Variants in MDFIC2 observed in about 807,000 individuals in gnomAD.
The protein encoded by MDFIC2 is MyoD family inhibitor domain containing 2, also known as myoD family inhibitor domain-containing protein 2.
chr3:70,311,422 G>A (rs757092992), intron 2 of MDFIC2, among the ~76,000 whole-genome samples: 4 of 152,162 alleles, frequency 2.6e-5, no homozygotes, highest in South Asian at 2.1e-4. Context: ...GCCCATGGCC[G>A]ACAGCATTCT....
intron 2 of MDFIC2, among the ~76,000 whole-genome samples, chr3:70,245,640 G>A (rs1268446115): frequency 1.7e-5 from 2 of 118,742 alleles, no homozygotes; most frequent in Non-Finnish European, 3.4e-5. Context: ...ATCAGAATAT[G>A]GATTCTTGCA....
Position 70,287,644 on chromosome 3 carries a change from T to G in MDFIC2, c.88+24242A>C, listed in dbSNP as rs1702180196. 3.9e-5 allele frequency among the ~76,000 whole-genome samples: 6 copies of G among 152,246 alleles called. No homozygotes were observed. The South Asian group carries it at 1.0e-3, about 26-fold the overall frequency. ...TTTCAGAAGGAATGGTACCAGTTCCTCCTTGTACCTCTGGTAGAATTTGGC... is the reference window on the plus strand; with the variant it reads ...TTTCAGAAGGAATGGTACCAGTTCCGCCTTGTACCTCTGGTAGAATTTGGC... On this transcript the variant is annotated intron_variant, in intron 2 of 3. Transcript: ENST00000567252.
intron 2 of MDFIC2, among the ~76,000 whole-genome samples, chr3:70,302,416 C>T (rs67418210): frequency 0.095 from 14,468 of 152,046 alleles, 919 homozygotes; most frequent in East Asian, 0.36. Flanking sequence ...AATGGAATGT[C>T]CTTATTCCTG....
At chr3:70,242,070 G>T (rs527719465) in intron 2 of MDFIC2, among the ~76,000 whole-genome samples, 5 of 152,142 alleles carry the variant, frequency 3.3e-5, no homozygotes, top group Non-Finnish European at 5.9e-5. Context: ...CAATTTCCTC[G>T]TAAGGGTAAG....
chr3:70,284,558 T>C (rs1426341650), intron 2 of MDFIC2, among the ~76,000 whole-genome samples: 1 of 152,156 alleles, frequency 6.6e-6, no homozygotes, highest in Non-Finnish European at 1.5e-5. Flanking sequence ...CACGGAATAC[T>C]ATGCAGCCAT....
At position 70,259,055 on chromosome 3, in the gene MDFIC2, CT is replaced by C. The variant is rs1304986789; in HGVS notation, c.89-52266del. On this transcript the variant is annotated intron_variant, in intron 2 of 3. Transcript: ENST00000567252. ...ATTAGAGAAAGATACAGTTGATGTG[CT>C]TATCAGGTCAGTTTGCTCATTGAAA... Among the ~76,000 whole-genome samples, 7 of 152,228 alleles carry C rather than the reference CT, an allele frequency of 4.6e-5. No individual in the cohort carries two copies. In the East Asian group the frequency reaches 1.4e-3, roughly 29 times the overall value.
At chr3:70,198,441 T>A (rs987584870) in intron 3 of MDFIC2, among the ~76,000 whole-genome samples, 2 of 152,214 alleles carry the variant, frequency 1.3e-5, no homozygotes, top group East Asian at 3.9e-4. Context: ...CATATAATAG[T>A]CTTTAAGTGA....
intron 2 of MDFIC2, among the ~76,000 whole-genome samples, chr3:70,259,655 T>G (rs2106660246): frequency 6.6e-6 from 1 of 152,312 alleles, no homozygotes; most frequent in South Asian, 2.1e-4. Context: ...TGTAAGGTCT[T>G]CATCAGTGGG....
At chr3:70,235,585 G>A (rs1701599327) in intron 2 of MDFIC2, among the ~76,000 whole-genome samples, 2 of 152,168 alleles carry the variant, frequency 1.3e-5, no homozygotes, top group South Asian at 4.1e-4. Context: ...TCACGGCTCT[G>A]TCCTTGTCTT....
chr3:70,282,584 T>C (rs997283919), intron 2 of MDFIC2, among the ~76,000 whole-genome samples: 1 of 152,196 alleles, frequency 6.6e-6, no homozygotes, highest in South Asian at 2.1e-4. Context: ...TCAGGAACTT[T>C]GCACTTGCTA....
chr3:70,290,368 G>C (rs1268380803), intron 2 of MDFIC2, among the ~76,000 whole-genome samples: 1 of 152,212 alleles, frequency 6.6e-6, no homozygotes, highest in African/African-American at 2.4e-5. Context: ...CAGTTAGGCT[G>C]CTCGGGGGCC....
In MDFIC2 at chr3:70,293,899, C is replaced by A. The variant is rs376045783; in HGVS notation, c.88+17987G>T. ...TTTATTTTTGTGTTACATGTTGAAG[C>A]CTAAAGAGACCCTTGGAGCCAGAAA... On this transcript the variant is annotated intron_variant, in intron 2 of 3. Transcript: ENST00000567252. Among the ~76,000 whole-genome samples the A allele has an allele frequency of 3.3e-5, 5 of 151,798 alleles. No homozygotes were observed. The South Asian group carries it at 1.0e-3, about 32-fold the overall frequency.
At chr3:70,226,737 T>TAAA (rs369777217) in intron 2 of MDFIC2, among the ~76,000 whole-genome samples, 3,396 of 121,324 alleles carry the variant, frequency 0.028, 108 homozygotes, top group Admixed American at 0.095. Flanking sequence ...GACTCTGTCT[T>TAAA]AAAAAAAAAA....
chr3:70,260,428 G>A (rs1193998234), intron 2 of MDFIC2, among the ~76,000 whole-genome samples: 1 of 151,982 alleles, frequency 6.6e-6, no homozygotes, highest in Non-Finnish European at 1.5e-5. Flanking sequence ...CTCATTATGA[G>A]GTAATGGGGG....
chr3:70,237,931 G>A (rs572760769), intron 2 of MDFIC2, among the ~76,000 whole-genome samples: 27 of 135,986 alleles, frequency 2.0e-4, no homozygotes, highest in Middle Eastern at 8.4e-3. Flanking sequence ...TTAGAATTGA[G>A]GTGGATAATC....
At chr3:70,243,799 T>C (rs1701681607) in intron 2 of MDFIC2, among the ~76,000 whole-genome samples, 2 of 152,170 alleles carry the variant, frequency 1.3e-5, no homozygotes, top group South Asian at 4.1e-4. Flanking sequence ...TAAAAAGCAC[T>C]GAACTCAAGC....
At chr3:70,264,867 C>T (rs1701901294) in intron 2 of MDFIC2, among the ~76,000 whole-genome samples, 1 of 152,026 alleles carries the variant, frequency 6.6e-6, no homozygotes, top group African/African-American at 2.4e-5. Flanking sequence ...AAAGACATAC[C>T]ATAGACTGGG....
chr3:70,263,970 A>G (rs931821846), intron 2 of MDFIC2, among the ~76,000 whole-genome samples: 1 of 152,216 alleles, frequency 6.6e-6, no homozygotes, highest in Non-Finnish European at 1.5e-5. Context: ...CAACAGCAGA[A>G]GGATGATTCA....
intron 2 of MDFIC2, among the ~76,000 whole-genome samples, chr3:70,290,543 G>C (rs1272680476): frequency 3.3e-5 from 5 of 152,246 alleles, no homozygotes; most frequent in Non-Finnish European, 5.9e-5. Context: ...CAGAGGTGGA[G>C]CCTACAGAGG....
Sources: gnomAD v4.1 joint callset for allele counts (sites outside exome capture counted in the v4.1 genomes callset) on GRCh38, gnomAD v4.1.1 for gene constraint, MANE v1.5 for transcripts, NCBI Gene and HGNC (gene_info 2026-07-23, HGNC 2026-07-21) for gene names.